The following TLN1 variants were observed in gnomAD, a reference collection of about 807,000 sequenced individuals.
TLN1 encodes talin 1.
A neutral mutation model predicts 292.3 loss-of-function variants in TLN1; 56 were observed. The observed-to-expected ratio is 0.19, with a 90% CI of 0.15 to 0.24. The LOEUF is 0.24. Among genes scored for constraint, TLN1 ranks in the 10% least tolerant of loss-of-function variants. The pLI is 1.00. For missense variants in TLN1, 2,433 were observed against 3,248.2 expected (o/e 0.75, Z 6.10); for synonymous variants, 1,119 against 1,253.7 (o/e 0.89, Z 2.27).
chr9:35,697,142 T>G lies in TLN1; in HGVS notation c.*649A>C, dbSNP rs1234029466. On this transcript the variant is annotated 3_prime_UTR_variant, in exon 57 of 57. Transcript: ENST00000314888. ...CAGGGAGGTGAGGATAACAGGAGTA[T>G]GACTTCTCAGGCACAACTTCCCCAT... The G allele has an allele frequency of 2.6e-5, 4 of 152,444 alleles. No individual in the cohort carries two copies. The highest frequency in any genetic ancestry group is 9.7e-5 in the African/African-American group (4 of 41,430). 9.4% of individuals were successfully genotyped at this position (152,444 alleles called of 1,614,324 possible).
chr9:35,719,012 C>T lies in TLN1; in HGVS notation c.1896+62G>A. 6.3e-7 allele frequency: 1 copy of T among 1,596,412 alleles called. No homozygotes were observed. Among genetic ancestry groups the T allele is most frequent in the Non-Finnish European group, 8.6e-7 (1 of 1,167,504 alleles). On this transcript the variant is annotated intron_variant, in intron 16 of 56. Coordinates refer to ENST00000314888, the MANE Select transcript of TLN1 (RefSeq NM_006289.4). This position sits in a 1 kb window ranked among gnomAD's most constrained non-coding sequence, Gnocchi z 4.6. ...CCAGGCTTCCATCCTGTGGCTTGGA[C>T]TGCCCCTTCTCCTTGGGCTTGAACC... is the stretch of plus-strand genomic sequence containing the variant.
intron 48 of TLN1, among the ~76,000 whole-genome samples, chr9:35,701,675 A>C (rs1266983797): frequency 2.0e-5 from 3 of 152,234 alleles, no homozygotes; most frequent in Non-Finnish European, 4.4e-5. Context: ...CTACTGCATA[A>C]ATCCAGTTAA....
At position 35,719,153 on chromosome 9, in the gene TLN1, C is replaced by T. The variant is rs754349057; in HGVS notation, c.1817G>A (p.Arg606Gln). ...ALLEDEGGSG[R>Q]PLLQAAKGLA... Reference sequence around the variant, plus strand: ...GCCCTTTGCTGCCTGCAACAGGGGCCGACCACTGCCGCCTTCGTCCTCCAG... The same window carrying T: ...GCCCTTTGCTGCCTGCAACAGGGGCTGACCACTGCCGCCTTCGTCCTCCAG... The change falls in exon 16 of 57, where the codon CGG (arginine) becomes CAG (glutamine). Residue 606 changes from arginine (R) to glutamine (Q), a missense_variant. Physicochemically the swap from Arg to Gln is conservative, Grantham distance 43. This residue lies in a region of TLN1 where 617 missense variants were observed against 770.6 expected (regional missense o/e 0.80). Transcript: ENST00000314888. This position sits in a 1 kb window ranked among gnomAD's most constrained non-coding sequence, Gnocchi z 4.6. 6 of 1,614,158 alleles carry T rather than the reference C, an allele frequency of 3.7e-6. No homozygotes were observed. Among genetic ancestry groups the T allele is most frequent in the Admixed American group, 3.3e-5 (2 of 60,018 alleles).
At chr9:35,718,553 G>C (rs1194262662) in intron 17 of TLN1, among the ~76,000 whole-genome samples, 1 of 152,114 alleles carries the variant, frequency 6.6e-6, no homozygotes, top group Non-Finnish European at 1.5e-5. Context: ...TATGTACGGG[G>C]AAGAGAGAGA....
intron 1 of TLN1, among the ~76,000 whole-genome samples, chr9:35,731,657 C>A (rs1232737084): frequency 6.6e-6 from 1 of 152,114 alleles, no homozygotes; most frequent in Non-Finnish European, 1.5e-5. Context: ...CTAAACCTTA[C>A]CTATCTAAAA....
Position 35,698,926 on chromosome 9 carries a change from T to A in TLN1, c.7007A>T (p.Asp2336Val). The A allele has an allele frequency of 6.2e-7, 1 of 1,613,780 alleles. No homozygotes were observed. The highest frequency in any genetic ancestry group is 8.5e-7 in the Non-Finnish European group (1 of 1,179,680). ...LKPRAKPKEA[D>V]ESLNFEEQIL... Reference sequence around the variant, plus strand: ...CTGCTCCTCAAAGTTCAAGGACTCATCTGCCTCCTGCAATAAGCGAAGGTT... The same window carrying A: ...CTGCTCCTCAAAGTTCAAGGACTCAACTGCCTCCTGCAATAAGCGAAGGTT... Residue 2336 changes from aspartate to valine, a missense_variant, in exon 53 of 57, where the codon GAT (aspartate) becomes GTT (valine). Physicochemically the swap from Asp to Val is radical, Grantham distance 152. Transcript: ENST00000314888. This position sits in a 1 kb window ranked among gnomAD's most constrained non-coding sequence, Gnocchi z 5.3.
Position 35,724,392 on chromosome 9 carries a change from C to A in TLN1, c.512-58G>T. The stretch of plus-strand genomic sequence containing the variant: ...CCCCATGGCCCCTGTGCTGTCTGGT[C>A]TCTGTTTATTTCTGCATTTCCTACC... On this transcript the variant is annotated intron_variant, in intron 5 of 56. Coordinates refer to ENST00000314888, the MANE Select transcript of TLN1 (RefSeq NM_006289.4). This position sits in a 1 kb window ranked among gnomAD's most constrained non-coding sequence, Gnocchi z 4.7. 6.2e-7 allele frequency: 1 copy of A among 1,605,896 alleles called. No individual in the cohort carries two copies. Among genetic ancestry groups the A allele is most frequent in the South Asian group, 1.1e-5 (1 of 90,730 alleles).
Position 35,722,149 on chromosome 9 carries a change from C to A in TLN1, c.918G>T (p.Lys306Asn), listed in dbSNP as rs1337342369. 1 of 1,614,214 alleles carries A rather than the reference C, an allele frequency of 6.2e-7. No individual in the cohort carries two copies. The highest frequency in any genetic ancestry group is 1.1e-5 in the South Asian group (1 of 91,084). ...VRYVKLARSLKTYGVSFFLVK... is the reference protein window; with the variant it reads ...VRYVKLARSLNTYGVSFFLVK... ...CCAGGAAGAAGGAGACACCGTAAGT[C>A]TTGAGAGAACGGGCTAGCTTCACGT... The change falls in exon 9 of 57, where the codon AAG (lysine) becomes AAT (asparagine). Residue 306 changes from lysine (K) to asparagine (N), a missense_variant. Coordinates refer to ENST00000314888, the MANE Select transcript of TLN1 (RefSeq NM_006289.4).
At chr9:35,728,559 G>A (rs1826017412) in intron 1 of TLN1, among the ~76,000 whole-genome samples, 1 of 152,112 alleles carries the variant, frequency 6.6e-6, no homozygotes, top group African/African-American at 2.4e-5. Flanking sequence ...AGCCTAGGCA[G>A]AGCTCTTTCC....
In TLN1 at chr9:35,699,047, G is replaced by C; in HGVS notation, c.6984C>G (p.Pro2328=). ...AAAKKLEQLK[P]RAKPKEADES... is the part of the protein sequence containing the mutation. ...CAGGACTGACCTTGGGTTTGGCCCG[G>C]GGCTTCAGCTGCTCTAGCTTTTTGG... The change falls in exon 52 of 57, where the codon CCC becomes CCG. Residue 2328 remains proline (P), a synonymous_variant. Coordinates refer to ENST00000314888, the MANE Select transcript of TLN1 (RefSeq NM_006289.4). This position sits in a 1 kb window ranked among gnomAD's most constrained non-coding sequence, Gnocchi z 4.0. 6.2e-7 allele frequency: 1 copy of C among 1,613,422 alleles called. No homozygotes were observed. Among genetic ancestry groups the C allele is most frequent in the South Asian group, 1.1e-5 (1 of 91,058 alleles).
Position 35,714,600 on chromosome 9 carries a change from T to C in TLN1, c.2959A>G (p.Ile987Val). The C allele has an allele frequency of 1.2e-6, 2 of 1,612,296 alleles. No individual in the cohort carries two copies. The highest frequency in any genetic ancestry group is 1.7e-6 in the Non-Finnish European group (2 of 1,180,020). Residue 987 changes from isoleucine to valine, a missense_variant, in exon 23 of 57, where the codon ATT becomes GTT. Physicochemically the swap from Ile to Val is conservative, Grantham distance 29 (BLOSUM62 3). This residue lies in a region of TLN1 where 617 missense variants were observed against 770.6 expected (regional missense o/e 0.80). Transcript: ENST00000314888. The surrounding 1 kb of genome is among the most constrained non-coding windows in gnomAD (Gnocchi z 4.6). ...TGCAGGAAGCTCTGGCTGGCAGCAA[T>C]GAGGGCAAGCTGAGCGCTGGGGCTG... ...PDSPSAQLAL[I>V]AASQSFLQPG... is the part of the protein sequence containing the mutation.
chr9:35,712,739 T>G, intron 27 of TLN1, 96 bp downstream of exon 27: 1 of 1,076,646 alleles, frequency 9.3e-7, no homozygotes, highest in Middle Eastern at 2.2e-4. Flanking sequence ...CATCACTCTG[T>G]GAGTGTGGAC....
At position 35,699,175 on chromosome 9, in the gene TLN1, A is replaced by G. The variant is rs769765240; in HGVS notation, c.6875-19T>C. 2.5e-6 allele frequency: 4 copies of G among 1,598,528 alleles called. No individual in the cohort carries two copies. In the Admixed American group the frequency reaches 7.0e-5, roughly 28 times the overall value. On this transcript the variant is annotated intron_variant, in intron 51 of 56. Coordinates refer to ENST00000314888, the MANE Select transcript of TLN1 (RefSeq NM_006289.4). This position sits in a 1 kb window ranked among gnomAD's most constrained non-coding sequence, Gnocchi z 4.0. ...TCTGTTCCTGGTGGGATGAAGGAAG[A>G]GGAAAGAGGCTAAGGCAGAGTGGGG...
At position 35,721,906 on chromosome 9, in the gene TLN1, G is replaced by A. The variant is rs1371842361; in HGVS notation, c.949-103C>T. ...ATAGGGGATGTTGAGGTGGCCGGGA[G>A]GGCTAACGGACAAGGGAAAATGCAG... On this transcript the variant is annotated intron_variant, in intron 9 of 56. Coordinates refer to ENST00000314888, the MANE Select transcript of TLN1 (RefSeq NM_006289.4). 2.0e-6 allele frequency: 3 copies of A among 1,470,428 alleles called. No individual in the cohort carries two copies. In the African/African-American group the frequency reaches 4.2e-5, roughly 21 times the overall value. 91.1% of individuals were successfully genotyped at this position (1,470,428 alleles called of 1,614,324 possible).
chr9:35,707,665 A>G lies in TLN1; in HGVS notation c.4632+66T>C. On this transcript the variant is annotated intron_variant, in intron 35 of 56. Coordinates refer to ENST00000314888, the MANE Select transcript of TLN1 (RefSeq NM_006289.4). This position sits in a 1 kb window ranked among gnomAD's most constrained non-coding sequence, Gnocchi z 5.6. ...ATTTGGTAGAAGGCTTCAGAGAATA[A>G]CTGGGGGACTCGGGGGAGAAGATAG... is the stretch of plus-strand genomic sequence containing the variant. 6.2e-7 allele frequency: 1 copy of G among 1,606,728 alleles called. No homozygotes were observed. The highest frequency in any genetic ancestry group is 8.5e-7 in the Non-Finnish European group (1 of 1,174,650).
At position 35,700,016 on chromosome 9, in the gene TLN1, C is replaced by T. The variant is rs889164933; in HGVS notation, c.6726G>A (p.Glu2242=). 4.3e-6 allele frequency: 7 copies of T among 1,613,546 alleles called. No homozygotes were observed. Among genetic ancestry groups the T allele is most frequent in the Non-Finnish European group, 5.9e-6 (7 of 1,179,726 alleles). The change falls in exon 50 of 57, where the codon GAG becomes GAA. Residue 2242 remains glutamate, a synonymous_variant. Transcript: ENST00000314888. ...GCAGTTCCAGGTAGCCATTGGCACA[C>T]TCCCGGCCATAGTGCAGGGCTCGAA... The part of the protein sequence containing the change: ...VRLRALHYGR[E]CANGYLELLD...
rs1186045262 is a variant in TLN1 at position 35,698,961 on chromosome 9, G to A, written c.7000-28C>T. Reference sequence around the variant, plus strand: ...GCAATAAGCGAAGGTTGCAGAAAGAGATGTAAAGTCAGAGATGAAGGTGGG... The same window carrying A: ...GCAATAAGCGAAGGTTGCAGAAAGAAATGTAAAGTCAGAGATGAAGGTGGG... On this transcript the variant is annotated intron_variant, in intron 52 of 56. Transcript: ENST00000314888. The surrounding 1 kb of genome is among the most constrained non-coding windows in gnomAD (Gnocchi z 5.3). The A allele has an allele frequency of 3.7e-6, 6 of 1,611,402 alleles. No homozygotes were observed. Among genetic ancestry groups the A allele is most frequent in the Non-Finnish European group, 5.1e-6 (6 of 1,177,752 alleles).
chr9:35,709,663 CG>C (rs1241876981), intron 33 of TLN1, among the ~76,000 whole-genome samples: 1 of 144,466 alleles, frequency 6.9e-6, no homozygotes, highest in African/African-American at 2.6e-5. Flanking sequence ...TCGAGACGGG[CG>C]GATCACGAGG....
At chr9:35,727,612 T>C (rs1826000304) in intron 1 of TLN1, among the ~76,000 whole-genome samples, 1 of 152,104 alleles carries the variant, frequency 6.6e-6, no homozygotes, top group African/African-American at 2.4e-5. Context: ...CTTATTACTA[T>C]CCGCTTGTGT....
Sources: gnomAD v4.1 joint callset for allele counts (sites outside exome capture counted in the v4.1 genomes callset) on GRCh38, gnomAD v4.1.1 for gene constraint, gnomAD v4.1.1 regional missense constraint, Gnocchi (gnomAD v3.1) non-coding constraint, MANE v1.5 for transcripts, NCBI Gene and HGNC (gene_info 2026-07-23, HGNC 2026-07-21) for gene names.